CNTNAP2: variants seen among roughly 807,000 people sequenced by gnomAD.
The protein encoded by CNTNAP2 is contactin associated protein 2.
In CNTNAP2, 98 loss-of-function variants were observed where a neutral mutation model predicts 155.2. That is an observed-to-expected ratio of 0.63 (90% CI 0.54 to 0.75). The LOEUF (loss-of-function observed/expected upper bound fraction) is 0.75, where lower values mean the gene tolerates loss of function less well. Among genes scored for constraint, CNTNAP2 ranks in the 30% least tolerant of loss-of-function variants. The pLI is 0.00. For synonymous variants in CNTNAP2, 651 were observed against 631.2 expected (o/e 1.03, Z -0.47); for missense variants, 1,727 against 1,688.1 (o/e 1.02, Z -0.40).
At chr7:146,717,850 A>G (rs755083026) in intron 1 of CNTNAP2, among the ~76,000 whole-genome samples, 22 of 151,766 alleles carry the variant, frequency 1.4e-4, no homozygotes, top group Middle Eastern at 3.4e-3. Flanking sequence ...CATTATCCCT[A>G]CCTTACAGAT....
intron 1 of CNTNAP2, among the ~76,000 whole-genome samples, chr7:146,720,401 A>G (rs996201619): frequency 2.0e-5 from 3 of 152,084 alleles, no homozygotes; most frequent in Non-Finnish European, 2.9e-5. Flanking sequence ...GCAATTATCT[A>G]TTATGCTTAG....
chr7:147,121,360 A>T (rs1161745490), intron 6 of CNTNAP2, 197 bp downstream of exon 6: 1 of 546,664 alleles, frequency 1.8e-6, no homozygotes, highest in Non-Finnish European at 3.2e-6. Flanking sequence ...TACTTGAACT[A>T]TTATAAAAAT....
Position 147,526,683 on chromosome 7 carries a change from G to C in CNTNAP2, c.1778-35455G>C, listed in dbSNP as rs1443548630. ...GATTCTAAAATATATTTCAGTATGTGCTCACCAAATCAATTAGATTTTTTA... is the reference window on the plus strand; with the variant it reads ...GATTCTAAAATATATTTCAGTATGTCCTCACCAAATCAATTAGATTTTTTA... On this transcript the variant is annotated intron_variant, in intron 11 of 23. Transcript: ENST00000361727. Among the ~76,000 whole-genome samples, 13 of 152,192 alleles carry C rather than the reference G, an allele frequency of 8.5e-5. No individual in the cohort carries two copies. In the East Asian group the frequency reaches 2.5e-3, roughly 29 times the overall value.
At chr7:147,216,796 G>A (rs1803278972) in intron 8 of CNTNAP2, among the ~76,000 whole-genome samples, 1 of 152,010 alleles carries the variant, frequency 6.6e-6, no homozygotes, top group Non-Finnish European at 1.5e-5. Context: ...ACAATATTGA[G>A]TCATCCTTTC....
intron 1 of CNTNAP2, among the ~76,000 whole-genome samples, chr7:146,635,806 T>TA (rs5888216): frequency 0.48 from 69,914 of 146,832 alleles, 16,782 homozygotes; most frequent in South Asian, 0.58. Context: ...GACTCATCTC[T>TA]AAAAAAAAAA....
intron 10 of CNTNAP2, among the ~76,000 whole-genome samples, chr7:147,420,869 T>C (rs1797279041): frequency 6.6e-6 from 1 of 152,206 alleles, no homozygotes; most frequent in Non-Finnish European, 1.5e-5. Flanking sequence ...TGAAATTGTG[T>C]CAATGTTTGT....
At chr7:147,199,253 C>T (rs1315427365) in intron 8 of CNTNAP2, among the ~76,000 whole-genome samples, 3 of 152,024 alleles carry the variant, frequency 2.0e-5, no homozygotes, top group South Asian at 2.1e-4. Flanking sequence ...TGAGCCACCG[C>T]GCCCGGCCCT....
chr7:146,663,868 TA>T (rs1034262941), intron 1 of CNTNAP2, among the ~76,000 whole-genome samples: 1 of 152,054 alleles, frequency 6.6e-6, no homozygotes, highest in African/African-American at 2.4e-5. Context: ...TTTATTTATT[TA>T]TTTTTGTAGA....
chr7:147,737,500 G>C (rs371898848), intron 13 of CNTNAP2, among the ~76,000 whole-genome samples: 1 of 152,090 alleles, frequency 6.6e-6, no homozygotes, highest in African/African-American at 2.4e-5. Flanking sequence ...CTGTCCGTTC[G>C]CAGATCTCAA....
intron 8 of CNTNAP2, among the ~76,000 whole-genome samples, chr7:147,284,237 T>C (rs1466239953): frequency 4.0e-5 from 6 of 151,254 alleles, no homozygotes; most frequent in African/African-American, 1.5e-4. Flanking sequence ...TGTATTCTAG[T>C]CTTTTTTTTA....
At chr7:146,935,752 A>C (rs978320395) in intron 3 of CNTNAP2, among the ~76,000 whole-genome samples, 1 of 152,192 alleles carries the variant, frequency 6.6e-6, no homozygotes, top group Admixed American at 6.5e-5. Flanking sequence ...TGGAGAAAGC[A>C]TTGGGTATTA....
intron 4 of CNTNAP2, among the ~76,000 whole-genome samples, chr7:147,055,348 A>G (rs896342172): frequency 6.6e-6 from 1 of 152,242 alleles, no homozygotes; most frequent in African/African-American, 2.4e-5. Flanking sequence ...TGCATAGCTT[A>G]TTAAGGACTG....
intron 22 of CNTNAP2, among the ~76,000 whole-genome samples, chr7:148,390,177 T>G (rs1799314720): frequency 1.3e-5 from 2 of 152,222 alleles, no homozygotes; most frequent in Non-Finnish European, 2.9e-5. Flanking sequence ...CCATCAAGCT[T>G]GCAAAGAGAC....
intron 9 of CNTNAP2, among the ~76,000 whole-genome samples, chr7:147,319,854 G>T (rs73742546): frequency 0.053 from 8,116 of 152,176 alleles, 283 homozygotes; most frequent in African/African-American, 0.1. Context: ...GGCATTTTGT[G>T]GTTTCACGAA....
At chr7:146,578,228 T>A (rs956308250) in intron 1 of CNTNAP2, among the ~76,000 whole-genome samples, 1 of 152,146 alleles carries the variant, frequency 6.6e-6, no homozygotes, top group Non-Finnish European at 1.5e-5. Flanking sequence ...AACTGTGTAA[T>A]CTTAATTGAG....
At chr7:146,578,338 A>C (rs942049746) in intron 1 of CNTNAP2, among the ~76,000 whole-genome samples, 4 of 152,086 alleles carry the variant, frequency 2.6e-5, no homozygotes, top group Non-Finnish European at 5.9e-5. Flanking sequence ...CATTTGAAGC[A>C]CTCAATATTT....
chr7:147,416,163 C>T lies in CNTNAP2; in HGVS notation c.1670+20383C>T, dbSNP rs538113784. Among the ~76,000 whole-genome samples the T allele has an allele frequency of 6.6e-5, 10 of 152,274 alleles. No homozygotes were observed. In the East Asian group the frequency reaches 7.7e-4, roughly 12 times the overall value. ...ATTTCTTTCCATCAGCCTCTGTTTT[C>T]TGTTTGGGTTCAGAGAAGTTGATTT... On this transcript the variant is annotated intron_variant, in intron 10 of 23. Coordinates refer to ENST00000361727, the MANE Select transcript of CNTNAP2 (RefSeq NM_014141.6).
At chr7:148,185,659 A>C (rs1006673620) in intron 18 of CNTNAP2, among the ~76,000 whole-genome samples, 4 of 152,232 alleles carry the variant, frequency 2.6e-5, no homozygotes, top group Non-Finnish European at 1.5e-5. Context: ...GAGATGAATA[A>C]AGCTATAAGT....
At chr7:147,544,818 G>T (rs574892931) in intron 11 of CNTNAP2, among the ~76,000 whole-genome samples, 34 of 152,044 alleles carry the variant, frequency 2.2e-4, no homozygotes, top group African/African-American at 7.2e-4. Context: ...TTTTATAAGG[G>T]GTGTCCGGTT....
Sources: gnomAD v4.1 joint callset for allele counts (sites outside exome capture counted in the v4.1 genomes callset) on GRCh38, gnomAD v4.1.1 for gene constraint, MANE v1.5 for transcripts, NCBI Gene and HGNC (gene_info 2026-07-23, HGNC 2026-07-21) for gene names.